Variants in CCDC13 observed in about 807,000 individuals in gnomAD.
The protein encoded by CCDC13 is coiled-coil domain containing 13.
A neutral mutation model predicts 87.3 loss-of-function variants in CCDC13; 70 were observed. That is an observed-to-expected ratio of 0.80 (90% confidence interval 0.66 to 0.98). The LOEUF is 0.98. Among genes scored for constraint, CCDC13 ranks in the 50% least tolerant of loss-of-function variants. The pLI is 0.00. For synonymous variants in CCDC13, 317 were observed against 360.3 expected (o/e 0.88, Z 1.36); for missense variants, 842 against 892.0 (o/e 0.94, Z 0.71).
chr3:42,745,147 T>A (rs1575314266), intron 7 of CCDC13: 2 of 152,192 alleles, frequency 1.3e-5, no homozygotes, highest in African/African-American at 4.8e-5. Flanking sequence ...ACCCTCGAAG[T>A]CCCTGGGAAC....
At position 42,751,926 on chromosome 3, in the gene CCDC13, G is replaced by T. The variant is rs1359101901; in HGVS notation, c.603+10C>A. ...CTCACAGACTTCCCAGCACAGAAGA[G>T]AATTCATACCAATGCTCTGTCTCCC... On this transcript the variant is annotated intron_variant, in intron 5 of 15. Transcript: ENST00000310232. 2 of 1,611,014 alleles carry T rather than the reference G, an allele frequency of 1.2e-6. No individual in the cohort carries two copies. The highest frequency in any genetic ancestry group is 1.7e-6 in the Non-Finnish European group (2 of 1,179,100).
At chr3:42,732,034 A>C (rs1698847107) in intron 12 of CCDC13, among the ~76,000 whole-genome samples, 1 of 152,092 alleles carries the variant, frequency 6.6e-6, no homozygotes, top group Admixed American at 6.5e-5. Flanking sequence ...CTTTACTGTG[A>C]CTAAAACCTC....
In CCDC13 at chr3:42,733,478, T is replaced by C; in HGVS notation, c.1503A>G (p.Gly501=). ...ASAGDHVGRL[G]SSRSVTSLGH... is the part of the protein sequence containing the mutation. ...TCCCATTGTTTTCTTACCGAGAAGA[T>C]CCAAGCCTGCCAACATGATCGCCTG... The change falls in exon 11 of 16, where the codon GGA becomes GGG. Residue 501 remains glycine, a synonymous_variant. Coordinates refer to ENST00000310232, the MANE Select transcript of CCDC13 (RefSeq NM_144719.4). 1.2e-6 allele frequency: 2 copies of C among 1,614,112 alleles called. No individual in the cohort carries two copies. Among genetic ancestry groups the C allele is most frequent in the Non-Finnish European group, 1.7e-6 (2 of 1,180,006 alleles).
intron 12 of CCDC13, among the ~76,000 whole-genome samples, chr3:42,732,386 T>C (rs1698862355): frequency 6.6e-6 from 1 of 152,018 alleles, no homozygotes; most frequent in African/African-American, 2.4e-5. Flanking sequence ...ATGGCTCCAG[T>C]GGACAGTGGG....
downstream of CCDC13, among the ~76,000 whole-genome samples, chr3:42,705,625 C>T (rs148102767): frequency 8.3e-4 from 127 of 152,324 alleles, no homozygotes; most frequent in Admixed American, 3.3e-3. Context: ...ACTACCTCCT[C>T]GTGGATCTGG....
chr3:42,751,936 C>T lies in CCDC13; in HGVS notation c.603G>A (p.Leu201=). The part of the protein sequence containing the change: ...PPRAQMGDRA[L]LETPEVKALQ... The stretch of plus-strand genomic sequence containing the variant: ...TCCCAGCACAGAAGAGAATTCATAC[C>T]AATGCTCTGTCTCCCATCTGGGCCC... Residue 201 remains leucine, a splice_region_variant and synonymous_variant, in exon 5 of 16, where the codon TTG becomes TTA. Coordinates refer to ENST00000310232, the MANE Select transcript of CCDC13 (RefSeq NM_144719.4). 6 of 1,611,404 alleles carry T rather than the reference C, an allele frequency of 3.7e-6. No homozygotes were observed. The highest frequency in any genetic ancestry group is 5.1e-6 in the Non-Finnish European group (6 of 1,179,262).
At chr3:42,709,554 G>C (rs2125866256) in intron 15 of CCDC13, 130 bp downstream of exon 15, 1 of 759,480 alleles carries the variant, frequency 1.3e-6, no homozygotes, top group South Asian at 1.7e-5. Context: ...CTAGAACCCA[G>C]GACCAAACAG....
At chr3:42,731,166 C>T (rs1192759091) in intron 12 of CCDC13, among the ~76,000 whole-genome samples, 1 of 151,474 alleles carries the variant, frequency 6.6e-6, no homozygotes, top group African/African-American at 2.4e-5. Context: ...CCAACTTCAA[C>T]CCCCCAGAGC....
intron 1 of CCDC13, among the ~76,000 whole-genome samples, chr3:42,762,307 G>A (rs747542174): frequency 1.3e-5 from 2 of 152,200 alleles, no homozygotes; most frequent in African/African-American, 2.4e-5. Flanking sequence ...GTGCACACCC[G>A]CACATTCCAA....
chr3:42,711,475 G>A (rs1009678244), intron 14 of CCDC13, among the ~76,000 whole-genome samples: 4 of 152,042 alleles, frequency 2.6e-5, no homozygotes, highest in African/African-American at 9.7e-5. Flanking sequence ...AATAGTTTAT[G>A]CCTCTAGAGC....
intron 5 of CCDC13, 51 bp downstream of exon 5, chr3:42,751,885 C>T (rs375463718): frequency 4.5e-6 from 7 of 1,538,756 alleles, no homozygotes; most frequent in African/African-American, 4.1e-5. Flanking sequence ...GAGGGGAGGC[C>T]CAGGCCCATG....
chr3:42,749,527 G>A (rs945789930), intron 5 of CCDC13, among the ~76,000 whole-genome samples: 2 of 152,282 alleles, frequency 1.3e-5, no homozygotes, highest in Non-Finnish European at 1.5e-5. Flanking sequence ...GGTCCTGATG[G>A]AGGGCAATGC....
At chr3:42,711,650 C>T (rs1267254509) in intron 14 of CCDC13, among the ~76,000 whole-genome samples, 1 of 152,236 alleles carries the variant, frequency 6.6e-6, no homozygotes, top group East Asian at 1.9e-4. Flanking sequence ...CTCCCAGTTC[C>T]TCCATCTCTG....
Position 42,752,701 on chromosome 3 carries a change from G to A in CCDC13, c.387C>T (p.Ala129=), listed in dbSNP as rs746467623. The A allele has an allele frequency of 1.3e-4, 204 of 1,613,694 alleles. 1 individual carries two copies. The highest frequency in any genetic ancestry group is 9.9e-4 in the South Asian group (90 of 91,074). The change falls in exon 4 of 16, where the codon GCC becomes GCT. Residue 129 remains alanine, a synonymous_variant. Transcript: ENST00000310232. ...RFAFTGTAGV[A]GDVVATKIVE... is the part of the protein sequence containing the mutation. ...CAATTTTGGTGGCGACCACGTCTCC[G>A]GCTACACCGGCTGTCCCTAAAATGA...
intron 3 of CCDC13, among the ~76,000 whole-genome samples, chr3:42,755,179 T>C (rs1164055574): frequency 6.6e-6 from 1 of 152,190 alleles, no homozygotes; most frequent in Admixed American, 6.5e-5. Flanking sequence ...ATAAATATTT[T>C]GTAATCACTA....
chr3:42,748,891 G>A (rs1699494475), intron 5 of CCDC13, among the ~76,000 whole-genome samples: 1 of 152,092 alleles, frequency 6.6e-6, no homozygotes. Flanking sequence ...GAGTAGCTGG[G>A]ATTACAGGTG....
At chr3:42,716,353 G>T (rs192956941) in intron 13 of CCDC13, among the ~76,000 whole-genome samples, 3 of 152,062 alleles carry the variant, frequency 2.0e-5, no homozygotes, top group Non-Finnish European at 4.4e-5. Context: ...GAAATAGATG[G>T]CTTCCTATAA....
At chr3:42,715,159 AT>A (rs1698399992) in intron 13 of CCDC13, among the ~76,000 whole-genome samples, 1 of 129,318 alleles carries the variant, frequency 7.7e-6, no homozygotes, top group Non-Finnish European at 1.7e-5. Context: ...AAAAAAAAAA[AT>A]TAGCTAGGTG....
Position 42,733,033 on chromosome 3 carries a change from C to A in CCDC13, c.1512-63G>T, listed in dbSNP as rs985774946. 3 of 1,378,800 alleles carry A rather than the reference C, an allele frequency of 2.2e-6. No individual in the cohort carries two copies. The African/African-American group carries it at 4.3e-5, about 20-fold the overall frequency. 85.4% of individuals were successfully genotyped at this position (1,378,800 alleles called of 1,614,324 possible). On this transcript the variant is annotated intron_variant, in intron 11 of 15. Coordinates refer to ENST00000310232, the MANE Select transcript of CCDC13 (RefSeq NM_144719.4). ...GCAGACCAGGCCCTACTGGGCCTCA[C>A]CTCTGCATGTGAGGTGGAGCAGTGG...
Sources: gnomAD v4.1 joint callset for allele counts (sites outside exome capture counted in the v4.1 genomes callset) on GRCh38, gnomAD v4.1.1 for gene constraint, MANE v1.5 for transcripts, NCBI Gene and HGNC (gene_info 2026-07-23, HGNC 2026-07-21) for gene names.